The following KAZN variants were observed in gnomAD, a reference collection of about 807,000 sequenced individuals.
KAZN encodes kazrin.
In KAZN, 40 loss-of-function variants were observed where a neutral mutation model predicts 87.4. That is an observed-to-expected ratio of 0.46 (90% CI 0.36 to 0.60). KAZN has a LOEUF of 0.60. KAZN is among the 20% of genes least tolerant of loss of function. KAZN has a pLI of 0.00. For synonymous variants in KAZN, 466 were observed against 458.3 expected (o/e 1.02, Z -0.22); for missense variants, 898 against 1,073.9 (o/e 0.84, Z 2.29).
At chr1:15,076,309 T>C (rs1639747718) in intron 8 of KAZN, among the ~76,000 whole-genome samples, 1 of 152,162 alleles carries the variant, frequency 6.6e-6, no homozygotes, top group African/African-American at 2.4e-5. Flanking sequence ...AACAAACTCA[T>C]CTTAGTGACA....
intron 1 of KAZN, among the ~76,000 whole-genome samples, chr1:13,955,736 C>A (rs1641520145): frequency 6.6e-6 from 1 of 152,164 alleles, no homozygotes; most frequent in South Asian, 2.1e-4. Context: ...ACTATTAGAT[C>A]TTAATATAAC....
At chr1:14,704,437 G>A (rs746848699) in intron 1 of KAZN, among the ~76,000 whole-genome samples, 6 of 152,208 alleles carry the variant, frequency 3.9e-5, no homozygotes, top group Non-Finnish European at 8.8e-5. Context: ...TCCACTGTGT[G>A]CGTTAGAAAA....
chr1:14,834,090 T>A (rs186434324), intron 1 of KAZN, among the ~76,000 whole-genome samples: 3 of 150,600 alleles, frequency 2.0e-5, no homozygotes, highest in Non-Finnish European at 3.0e-5. Flanking sequence ...GGCTGGAGTG[T>A]AGTGGTGTGA....
At chr1:14,623,832 G>A (rs1678900983) in intron 1 of KAZN, among the ~76,000 whole-genome samples, 1 of 151,418 alleles carries the variant, frequency 6.6e-6, no homozygotes. Context: ...AATATTTTGT[G>A]ATTTTTTTCA....
chr1:14,188,361 T>C (rs1330885846), intron 2 of KAZN, among the ~76,000 whole-genome samples: 1 of 152,116 alleles, frequency 6.6e-6, no homozygotes, highest in African/African-American at 2.4e-5. Flanking sequence ...ATATACAAAT[T>C]ATTTTTTCAG....
At chr1:14,557,512 A>G (rs1288607892) in intron 2 of KAZN, among the ~76,000 whole-genome samples, 1 of 152,022 alleles carries the variant, frequency 6.6e-6, no homozygotes, top group Non-Finnish European at 1.5e-5. Flanking sequence ...TAATAAATAA[A>G]CAAATAATCG....
chr1:14,601,913 T>G (rs190251229), intron 1 of KAZN, among the ~76,000 whole-genome samples: 1 of 152,402 alleles, frequency 6.6e-6, no homozygotes, highest in Admixed American at 6.5e-5. Context: ...AATGTAACTT[T>G]AACAATATTA....
intron 1 of KAZN, among the ~76,000 whole-genome samples, chr1:14,782,419 G>A (rs557514626): frequency 1.3e-5 from 2 of 151,906 alleles, no homozygotes; most frequent in African/African-American, 2.4e-5. Context: ...ATGGTAGCAC[G>A]CACCTGTAAT....
At chr1:14,309,897 T>G in intron 2 of KAZN, among the ~76,000 whole-genome samples, 1 of 151,652 alleles carries the variant, frequency 6.6e-6, no homozygotes, top group South Asian at 2.1e-4. Context: ...AAAAAAATTC[T>G]GCAGGGACAC....
rs373490585 is a variant in KAZN, at chr1:14,429,709, T to A, written c.250-169274T>A. Among the ~76,000 whole-genome samples, 58 of 152,296 alleles carry A rather than the reference T, an allele frequency of 3.8e-4. 2 individuals are homozygous for A. In the South Asian group the frequency reaches 0.012, roughly 31 times the overall value. ...ACTGGGTACCTGTCTTTGGGCTTTATGTCATGTAATACTCACCCCAGTGAC... is the reference window on the plus strand; with the variant it reads ...ACTGGGTACCTGTCTTTGGGCTTTAAGTCATGTAATACTCACCCCAGTGAC... On this transcript the variant is annotated intron_variant, in intron 2 of 16. Transcript: ENST00000636203.
At chr1:14,488,638 G>A (rs1669479994) in intron 2 of KAZN, among the ~76,000 whole-genome samples, 1 of 152,172 alleles carries the variant, frequency 6.6e-6, no homozygotes, top group Non-Finnish European at 1.5e-5. Flanking sequence ...TCAATCACAG[G>A]CTGCTTTTTT....
At chr1:14,408,048 A>G (rs1363129357) in intron 2 of KAZN, among the ~76,000 whole-genome samples, 1 of 152,190 alleles carries the variant, frequency 6.6e-6, no homozygotes, top group African/African-American at 2.4e-5. Flanking sequence ...CAGGTACCTG[A>G]TTCACCAGGG....
At chr1:14,976,139 T>G (rs1355201045) in intron 2 of KAZN, among the ~76,000 whole-genome samples, 3 of 146,472 alleles carry the variant, frequency 2.0e-5, no homozygotes, top group Admixed American at 2.0e-4. Context: ...TGCTGTTGGT[T>G]TTGGACGTGG....
intron 1 of KAZN, among the ~76,000 whole-genome samples, chr1:13,964,117 T>C (rs967980727): frequency 6.6e-6 from 1 of 152,208 alleles, no homozygotes; most frequent in Non-Finnish European, 1.5e-5. Flanking sequence ...TGAAAATTAT[T>C]TACTGAGTAT....
At chr1:14,709,043 C>A (rs1314851033) in intron 1 of KAZN, among the ~76,000 whole-genome samples, 2 of 152,102 alleles carry the variant, frequency 1.3e-5, no homozygotes, top group Admixed American at 6.5e-5. Flanking sequence ...ACAATGAGGG[C>A]AGATACCACG....
At chr1:14,084,581 T>A (rs1442275157) in intron 1 of KAZN, among the ~76,000 whole-genome samples, 4 of 152,032 alleles carry the variant, frequency 2.6e-5, no homozygotes, top group Admixed American at 2.6e-4. Flanking sequence ...TTAAGCAAGT[T>A]CAAGGTGATG....
intron 2 of KAZN, among the ~76,000 whole-genome samples, chr1:14,270,432 A>G (rs1031169184): frequency 1.3e-5 from 2 of 152,204 alleles, no homozygotes; most frequent in African/African-American, 4.8e-5. Flanking sequence ...CTTGGGCAAA[A>G]TATTTCACAT....
chr1:14,843,245 A>C (rs1648238912), intron 1 of KAZN, among the ~76,000 whole-genome samples: 3 of 152,228 alleles, frequency 2.0e-5, no homozygotes, highest in African/African-American at 2.4e-5. Flanking sequence ...GTGTGGGGTC[A>C]AAGGGAGAGA....
chr1:14,861,526 C>A (rs1274894660), intron 1 of KAZN, among the ~76,000 whole-genome samples: 1 of 152,188 alleles, frequency 6.6e-6, no homozygotes, highest in Non-Finnish European at 1.5e-5. Flanking sequence ...TTTGTTACTT[C>A]ATTCATTGAG....
Sources: gnomAD v4.1 joint callset for allele counts (sites outside exome capture counted in the v4.1 genomes callset) on GRCh38, gnomAD v4.1.1 for gene constraint, MANE v1.5 for transcripts, NCBI Gene and HGNC (gene_info 2026-07-23, HGNC 2026-07-21) for gene names.